CHN2: variants seen among roughly 807,000 people sequenced by gnomAD.
The protein encoded by CHN2 is beta-chimaerin.
A neutral mutation model predicts 56.3 loss-of-function variants in CHN2; 35 were observed. That is an observed-to-expected ratio of 0.62 (90% CI 0.47 to 0.82). The LOEUF is 0.82. Ranked by LOEUF, CHN2 falls within the 40% of genes least tolerant of loss-of-function variation. The pLI, the probability that CHN2 is intolerant of heterozygous loss-of-function variation, is 0.00. For synonymous variants in CHN2, 210 were observed against 212.8 expected (o/e 0.99, Z 0.12); for missense variants, 491 against 580.5 (o/e 0.85, Z 1.58).
At chr7:29,414,254 G>A (rs370615275) in intron 6 of CHN2, among the ~76,000 whole-genome samples, 3 of 152,126 alleles carry the variant, frequency 2.0e-5, no homozygotes, top group East Asian at 3.9e-4. Flanking sequence ...CTCTCTCAGT[G>A]TAGCTTTGAA....
intron 6 of CHN2, among the ~76,000 whole-genome samples, chr7:29,470,828 T>G (rs939405459): frequency 1.1e-4 from 17 of 152,154 alleles, no homozygotes; most frequent in African/African-American, 4.1e-4. Flanking sequence ...AGAAATTGAG[T>G]GTCTTGACTT....
At chr7:29,361,248 C>A (rs924435188) in intron 2 of CHN2, among the ~76,000 whole-genome samples, 3 of 152,204 alleles carry the variant, frequency 2.0e-5, no homozygotes, top group Admixed American at 1.3e-4. Context: ...ATATTCAACT[C>A]TGCCTCAGAG....
chr7:29,289,868 A>T (rs746732409), intron 1 of CHN2, among the ~76,000 whole-genome samples: 2 of 152,226 alleles, frequency 1.3e-5, no homozygotes, highest in Non-Finnish European at 2.9e-5. Flanking sequence ...TACAGCTGTC[A>T]TTCTTAGTTA....
intron 1 of CHN2, among the ~76,000 whole-genome samples, chr7:29,290,772 C>T (rs907500523): frequency 1.3e-5 from 2 of 152,146 alleles, no homozygotes; most frequent in South Asian, 4.1e-4. Flanking sequence ...AACTTCAGTT[C>T]TTGCCTCCTC....
chr7:29,263,281 C>T (rs923300550), intron 1 of CHN2, among the ~76,000 whole-genome samples: 23 of 152,212 alleles, frequency 1.5e-4, no homozygotes, highest in Non-Finnish European at 1.6e-4. Context: ...CTGCCCGCCT[C>T]GGCCTCCCGA....
intron 2 of CHN2, chr7:29,186,343 G>A (rs1798708446): frequency 2.6e-5 from 4 of 152,198 alleles, no homozygotes; most frequent in Admixed American, 2.0e-4. Context: ...AGCACTTTGG[G>A]AGGCCAGGGT....
intron 2 of CHN2, among the ~76,000 whole-genome samples, chr7:29,181,697 T>C (rs1266079743): frequency 6.6e-6 from 1 of 152,172 alleles, no homozygotes; most frequent in East Asian, 1.9e-4. Context: ...TTTTAAAAAT[T>C]ACACAATCTA....
intron 1 of CHN2, among the ~76,000 whole-genome samples, chr7:29,210,944 G>A (rs1784873935): frequency 6.6e-6 from 1 of 152,204 alleles, no homozygotes; most frequent in Non-Finnish European, 1.5e-5. Context: ...CAGGGAGGAG[G>A]AGGCGGATCA....
chr7:29,308,784 C>T (rs548542403), intron 1 of CHN2, among the ~76,000 whole-genome samples: 38 of 152,296 alleles, frequency 2.5e-4, no homozygotes, highest in African/African-American at 8.9e-4. Flanking sequence ...TCAGAGATGC[C>T]TCTTATAACC....
rs547722850 is a variant in CHN2, at chr7:29,272,173, T to G, written c.49+77183T>G. 3.6e-4 allele frequency among the ~76,000 whole-genome samples: 55 copies of G among 152,190 alleles called. No homozygotes were observed. The South Asian group carries it at 7.7e-3, about 21-fold the overall frequency. On this transcript the variant is annotated intron_variant, in intron 1 of 12. Transcript: ENST00000222792. ...CTGGATGGGCCGTTCTCCTGCCCCG[T>G]GACAGACACGGAGTCCGCCACGGTC...
intron 1 of CHN2, among the ~76,000 whole-genome samples, chr7:29,231,851 G>A (rs1786737862): frequency 6.6e-6 from 1 of 152,186 alleles, no homozygotes; most frequent in African/African-American, 2.4e-5. Flanking sequence ...ATCATCACAT[G>A]TGATCATGGT....
chr7:29,202,109 G>A (rs537153112), intron 1 of CHN2, among the ~76,000 whole-genome samples: 3 of 152,204 alleles, frequency 2.0e-5, no homozygotes, highest in African/African-American at 7.2e-5. Context: ...CCCTCAAAGA[G>A]GAAAAAGTGC....
chr7:29,436,456 A>T (rs1012131218), intron 6 of CHN2, among the ~76,000 whole-genome samples: 2 of 152,220 alleles, frequency 1.3e-5, no homozygotes, highest in African/African-American at 4.8e-5. Flanking sequence ...CTGCCAACTT[A>T]TAGGTGCTCA....
chr7:29,147,205 G>A, intron 2 of CHN2: 2 of 529,832 alleles, frequency 3.8e-6, no homozygotes, highest in Non-Finnish European at 6.6e-6. Context: ...ACTAAAAAAG[G>A]CAAGGAGGTT....
intron 1 of CHN2, among the ~76,000 whole-genome samples, chr7:29,219,106 C>G (rs537552626): frequency 6.6e-6 from 1 of 152,246 alleles, no homozygotes; most frequent in South Asian, 2.1e-4. Context: ...GGTTTTGAAA[C>G]CGCAGTGGCC....
intron 2 of CHN2, among the ~76,000 whole-genome samples, chr7:29,153,321 C>T (rs1793869519): frequency 1.3e-5 from 2 of 152,252 alleles, no homozygotes; most frequent in South Asian, 2.1e-4. Context: ...GACCCTTGAA[C>T]GCATGTGTTT....
intron 2 of CHN2, among the ~76,000 whole-genome samples, chr7:29,185,206 G>T (rs540025246): frequency 6.6e-6 from 1 of 152,134 alleles, no homozygotes; most frequent in African/African-American, 2.4e-5. Flanking sequence ...AGAAATGATA[G>T]AGTAGATTTG....
chr7:29,504,789 A>G lies in CHN2; in HGVS notation c.959A>G (p.His320Arg). 1 of 1,613,572 alleles carries G rather than the reference A, an allele frequency of 6.2e-7. No individual in the cohort carries two copies. The highest frequency in any genetic ancestry group is 8.5e-7 in the Non-Finnish European group (1 of 1,179,796). ...TACAGAGTCTCTGGGTTCACTGAAC[A>G]CATTGAAGATGTCAAAATGGCATTT... Reference protein sequence around the residue: ...GLYRVSGFTEHIEDVKMAFDR... With the variant: ...GLYRVSGFTERIEDVKMAFDR... Residue 320 changes from histidine to arginine, a missense_variant, in exon 10 of 13, where the codon CAC becomes CGC. Transcript: ENST00000222792.
intron 1 of CHN2, among the ~76,000 whole-genome samples, chr7:29,338,781 C>T (rs12700954): frequency 0.34 from 51,521 of 151,954 alleles, 9,627 homozygotes; most frequent in Middle Eastern, 0.46. Context: ...GGTTTCACCA[C>T]GTTGGCCAGG....
Sources: gnomAD v4.1 joint callset for allele counts (sites outside exome capture counted in the v4.1 genomes callset) on GRCh38, gnomAD v4.1.1 for gene constraint, MANE v1.5 for transcripts, NCBI Gene and HGNC (gene_info 2026-07-23, HGNC 2026-07-21) for gene names.